Variants in UBR4 observed in about 807,000 individuals in gnomAD.
UBR4 encodes E3 ubiquitin-protein ligase UBR4.
UBR4 carries 124 observed loss-of-function variants against 575.6 expected under a neutral mutation model. The observed-to-expected ratio is 0.22, with a 90% CI of 0.19 to 0.25. The LOEUF (loss-of-function observed/expected upper bound fraction) is 0.25. Ranked by LOEUF, UBR4 falls within the 10% of genes least tolerant of loss-of-function variation. The pLI is 1.00. For missense variants in UBR4, 4,818 were observed against 6,478.8 expected (o/e 0.74, Z 8.80); for synonymous variants, 2,455 against 2,473.7 (o/e 0.99, Z 0.22).
Position 19,094,896 on chromosome 1 carries a change from C to A in UBR4, c.13746+10G>T, listed in dbSNP as rs751951530. The A allele has an allele frequency of 3.1e-6, 5 of 1,612,464 alleles. No homozygotes were observed. In the Admixed American group the frequency reaches 8.3e-5, roughly 27 times the overall value. On this transcript the variant is annotated intron_variant, in intron 94 of 105. Coordinates refer to ENST00000375254, the MANE Select transcript of UBR4 (RefSeq NM_020765.3). ...AGTGCCTGCAGATGGAGGGGCCGAG[C>A]CCCACTCACCTTGTCCTCACTCAGG...
intron 3 of UBR4, among the ~76,000 whole-genome samples, chr1:19,199,292 A>G (rs1035425788): frequency 3.3e-5 from 5 of 152,066 alleles, no homozygotes; most frequent in Non-Finnish European, 7.4e-5. Context: ...CAACTAGCAC[A>G]CTTTACTCAT....
rs1233162031 is a variant in UBR4 at position 19,110,594 on chromosome 1, C to T, written c.11893-130G>A. Reference sequence around the variant, plus strand: ...AAGGACAGACGGAGACCCTTGTGCTCCAGGCTCTTCCCTGGGAAAACCATT... The same window carrying T: ...AAGGACAGACGGAGACCCTTGTGCTTCAGGCTCTTCCCTGGGAAAACCATT... On this transcript the variant is annotated intron_variant, in intron 79 of 105. Transcript: ENST00000375254. The surrounding 1 kb of genome is among the most constrained non-coding windows in gnomAD (Gnocchi z 4.5). The T allele has an allele frequency of 6.7e-6, 9 of 1,336,414 alleles. No individual in the cohort carries two copies. The highest frequency in any genetic ancestry group is 1.8e-5 in the Admixed American group (1 of 56,998). The allele number at this position is 1,336,414 out of a possible 1,614,324, so 82.8% of individuals were successfully genotyped here. A position where few individuals can be genotyped will look rare whatever the true frequency, so the allele number is the denominator to read the frequency against.
chr1:19,158,130 G>A (rs1330882125), intron 39 of UBR4, 133 bp from the exon 40 acceptor site: 3 of 810,320 alleles, frequency 3.7e-6, no homozygotes, highest in Admixed American at 2.8e-5. Flanking sequence ...CCTCCAAACC[G>A]TGGATGGCTG....
chr1:19,104,037 C>A (rs2078929793), intron 87 of UBR4, 47 bp downstream of exon 87: 1 of 1,595,532 alleles, frequency 6.3e-7, no homozygotes, highest in South Asian at 1.1e-5. Flanking sequence ...CCTCGGCAGC[C>A]CCAGAAGGGA....
intron 102 of UBR4, among the ~76,000 whole-genome samples, chr1:19,084,254 A>T (rs2076794220): frequency 6.6e-6 from 1 of 152,266 alleles, no homozygotes; most frequent in Non-Finnish European, 1.5e-5. Flanking sequence ...CGTCAGTCCA[A>T]GGATGCGGTC....
At chr1:19,158,368 A>C (rs1233430721) in intron 39 of UBR4, among the ~76,000 whole-genome samples, 1 of 152,178 alleles carries the variant, frequency 6.6e-6, no homozygotes, top group Non-Finnish European at 1.5e-5. Flanking sequence ...CTTCATCTTT[A>C]ATATCTAAAA....
chr1:19,174,599 A>G, intron 21 of UBR4, 152 bp from the exon 22 acceptor site: 1 of 1,176,736 alleles, frequency 8.5e-7, no homozygotes, highest in South Asian at 1.5e-5. Context: ...ATTCTGGGAC[A>G]TTACTCACAC....
At chr1:19,172,255 G>A (rs542828586) in intron 25 of UBR4, among the ~76,000 whole-genome samples, 1 of 151,912 alleles carries the variant, frequency 6.6e-6, no homozygotes, top group South Asian at 2.1e-4. Context: ...AGTGGCTCAT[G>A]CCTGTAATCC....
chr1:19,082,018 A>C, intron 102 of UBR4: 3 of 541,826 alleles, frequency 5.5e-6, no homozygotes, highest in South Asian at 2.9e-5. Context: ...CCACAGCCTG[A>C]CTCCCCCTTG....
At chr1:19,169,634 A>C in intron 26 of UBR4, 102 bp from the exon 27 acceptor site, 1 of 855,016 alleles carries the variant, frequency 1.2e-6, no homozygotes, top group South Asian at 1.9e-5. Context: ...AGTACAGCCC[A>C]GGCTGTCAAA....
chr1:19,210,021 G>T (rs1296429369), intron 1 of UBR4, 52 bp downstream of exon 1: 2 of 1,486,838 alleles, frequency 1.3e-6, no homozygotes, highest in African/African-American at 2.9e-5. Flanking sequence ...GATCCGGCTC[G>T]AAATCCCCTC....
rs1439652500 is a variant in UBR4, at chr1:19,151,311, T to C, written c.7213+332A>G. The C allele has an allele frequency of 2.9e-5, 12 of 413,520 alleles. No homozygotes were observed. The Admixed American group carries it at 3.4e-4, about 12-fold the overall frequency. The allele number at this position is 413,520 out of a possible 1,614,324, so 25.6% of individuals were successfully genotyped here. The stretch of plus-strand genomic sequence containing the variant: ...CCATGTGTGACCTGAGGTCTTCCTC[T>C]GTGCGTTAAGAAAGCCTTGCAATTT... On this transcript the variant is annotated intron_variant, in intron 48 of 105. Coordinates refer to ENST00000375254, the MANE Select transcript of UBR4 (RefSeq NM_020765.3).
chr1:19,198,882 C>A lies in UBR4; in HGVS notation c.425G>T (p.Arg142Leu). The change falls in exon 4 of 106, where the codon CGA becomes CTA. Residue 142 changes from arginine to leucine, a missense_variant. Physicochemically the swap from Arg to Leu is moderately radical, Grantham distance 102 (BLOSUM62 -2). This residue lies in a region of UBR4 where 85 missense variants were observed against 134.2 expected (regional missense o/e 0.63). Transcript: ENST00000375254. ...TGTGATAATTTCAGTTCTATCTAGT[C>A]GGCTACAGCCAGTGCACAGGCCCTT... ...LIKGLCTGCS[R>L]LDRTEIITFT... 1 of 1,614,116 alleles carries A rather than the reference C, an allele frequency of 6.2e-7. No homozygotes were observed. The highest frequency in any genetic ancestry group is 8.5e-7 in the Non-Finnish European group (1 of 1,180,034).
In UBR4 at chr1:19,100,229, A is replaced by T; in HGVS notation, c.13221+147T>A. ...GCACTAGGTGAGGTAGAAAGGTGGG[A>T]ATCATTAACCCCAACTTACAGAGTG... is the stretch of plus-strand genomic sequence containing the variant. On this transcript the variant is annotated intron_variant, in intron 89 of 105. Coordinates refer to ENST00000375254, the MANE Select transcript of UBR4 (RefSeq NM_020765.3). This position sits in a 1 kb window ranked among gnomAD's most constrained non-coding sequence, Gnocchi z 4.2. The T allele has an allele frequency of 1.3e-6, 1 of 779,694 alleles. No homozygotes were observed. Among genetic ancestry groups the T allele is most frequent in the Non-Finnish European group, 2.1e-6 (1 of 475,850 alleles). 48.3% of individuals were successfully genotyped at this position (779,694 alleles called of 1,614,324 possible). A position where few individuals can be genotyped will look rare whatever the true frequency, so the allele number is the denominator to read the frequency against.
chr1:19,143,237 AGG>A (rs2084241371), intron 55 of UBR4, among the ~76,000 whole-genome samples: 1 of 41,578 alleles, frequency 2.4e-5, no homozygotes, highest in Non-Finnish European at 5.3e-5. Flanking sequence ...GAAGGAAGGC[AGG>A]AAGGAAGGAA....
At position 19,074,685 on chromosome 1, in the gene UBR4, C is replaced by T. The variant is rs1305650926; in HGVS notation, c.*147G>A. The stretch of plus-strand genomic sequence containing the variant: ...CGAGATAAAACAGGAAGCCTAAAAA[C>T]CCCAAGCCACACCAAGAAAAATGAG... On this transcript the variant is annotated 3_prime_UTR_variant, in exon 106 of 106. Coordinates refer to ENST00000375254, the MANE Select transcript of UBR4 (RefSeq NM_020765.3). 2.8e-5 allele frequency: 26 copies of T among 935,112 alleles called. No individual in the cohort carries two copies. The highest frequency in any genetic ancestry group is 4.1e-5 in the Non-Finnish European group (25 of 607,370). 57.9% of individuals were successfully genotyped at this position (935,112 alleles called of 1,614,324 possible). A position where few individuals can be genotyped will look rare whatever the true frequency, so the allele number is the denominator to read the frequency against.
intron 1 of UBR4, among the ~76,000 whole-genome samples, chr1:19,208,950 C>A (rs1194719464): frequency 6.6e-6 from 1 of 152,202 alleles, no homozygotes; most frequent in African/African-American, 2.4e-5. Context: ...TCAGAACATT[C>A]CTGGCCTGAT....
Position 19,156,854 on chromosome 1 carries a change from G to A in UBR4, c.5832C>T (p.Arg1944=), listed in dbSNP as rs1477516946. 1.9e-6 allele frequency: 3 copies of A among 1,614,064 alleles called. No individual in the cohort carries two copies. In the African/African-American group the frequency reaches 4.0e-5, roughly 22 times the overall value. ...DSSKRKLTLT[R]LASAPVPFTV... ...TAAAAGGAACTGGGGCAGAAGCCAA[G>A]CGGGTCAGAGTTAACTTCCTTTTGC... Residue 1944 remains arginine (R), a synonymous_variant, in exon 41 of 106, where the codon CGC becomes CGT. Coordinates refer to ENST00000375254, the MANE Select transcript of UBR4 (RefSeq NM_020765.3).
At chr1:19,202,869 G>A (rs534306917) in intron 1 of UBR4, among the ~76,000 whole-genome samples, 85 of 152,230 alleles carry the variant, frequency 5.6e-4, no homozygotes, top group African/African-American at 1.9e-3. Context: ...GGTGGATGAC[G>A]AGATCAGGAG....
Sources: gnomAD v4.1 joint callset for allele counts (sites outside exome capture counted in the v4.1 genomes callset) on GRCh38, gnomAD v4.1.1 for gene constraint, gnomAD v4.1.1 regional missense constraint, Gnocchi (gnomAD v3.1) non-coding constraint, MANE v1.5 for transcripts, NCBI Gene and HGNC (gene_info 2026-07-23, HGNC 2026-07-21) for gene names.